The following NETO2 variants were observed in gnomAD, a reference collection of about 807,000 sequenced individuals.
NETO2 encodes the protein neuropilin and tolloid-like protein 2.
Under a neutral mutation model 62.5 loss-of-function variants are expected in NETO2, and 28 were observed. That is an observed-to-expected ratio of 0.45 (90% CI 0.33 to 0.61). The LOEUF is 0.61. NETO2 is among the 20% of genes least tolerant of loss of function. The probability of loss-of-function intolerance (pLI) is 0.02; values close to 1 mark genes in which losing one functional copy is unlikely to be tolerated. For synonymous variants in NETO2, 214 were observed against 219.1 expected (o/e 0.98, Z 0.21); for missense variants, 548 against 643.2 (o/e 0.85, Z 1.60).
At chr16:47,085,310 G>C (rs1339179492) in intron 8 of NETO2, among the ~76,000 whole-genome samples, 1 of 151,878 alleles carries the variant, frequency 6.6e-6, no homozygotes, top group African/African-American at 2.4e-5. Flanking sequence ...ATTAAATAAG[G>C]TATGTTTACA....
rs1351972807 is a variant in NETO2 at position 47,086,247 on chromosome 16, A to G, written c.976T>C (p.Trp326Arg). ...TCACCTTTACAATGATTTTCATCCC[A>G]AGGGTATGCACAATTTTGGACACCA... ...CNGVQNCAYP[W>R]DENHCKEKKK... The change falls in exon 8 of 9, where the codon TGG becomes CGG. Residue 326 changes from tryptophan to arginine, a missense_variant. Trp to Arg is a moderately radical substitution (Grantham distance 101). Transcript: ENST00000562435. The G allele has an allele frequency of 6.2e-7, 1 of 1,609,422 alleles. No homozygotes were observed.
intron 7 of NETO2, among the ~76,000 whole-genome samples, chr16:47,108,659 G>C (rs959291658): frequency 6.6e-6 from 1 of 152,214 alleles, no homozygotes; most frequent in South Asian, 2.1e-4. Context: ...GTCACAGATG[G>C]AGAAGGCTAA....
Position 47,136,825 on chromosome 16 carries a change from T to C in NETO2, c.35-4800A>G, listed in dbSNP as rs527354780. Among the ~76,000 whole-genome samples, 20 of 151,832 alleles carry C rather than the reference T, an allele frequency of 1.3e-4. No individual in the cohort carries two copies. In the East Asian group the frequency reaches 3.7e-3, roughly 28 times the overall value. The stretch of plus-strand genomic sequence containing the variant: ...ATAAAAATAGATCTCGCCTTCAAGC[T>C]AAAAACAAAAAATAAATACTAGATT... On this transcript the variant is annotated intron_variant, in intron 1 of 8. Coordinates refer to ENST00000562435, the MANE Select transcript of NETO2 (RefSeq NM_018092.5).
chr16:47,093,454 G>A (rs761850103), intron 7 of NETO2, among the ~76,000 whole-genome samples: 11 of 152,148 alleles, frequency 7.2e-5, no homozygotes, highest in Non-Finnish European at 1.0e-4. Context: ...TCTTCGTCAC[G>A]GTCAATCCTA....
At chr16:47,090,786 T>C (rs1963296193) in intron 7 of NETO2, among the ~76,000 whole-genome samples, 1 of 152,190 alleles carries the variant, frequency 6.6e-6, no homozygotes, top group Admixed American at 6.5e-5. Context: ...TCTTAAAGAG[T>C]GAGGTATATA....
At chr16:47,132,199 C>T (rs1013742283) in intron 1 of NETO2, among the ~76,000 whole-genome samples, 174 bp from the exon 2 acceptor site, 8 of 151,996 alleles carry the variant, frequency 5.3e-5, no homozygotes, top group African/African-American at 1.9e-4. Flanking sequence ...TGCTACCTAA[C>T]CCTTAAGATA....
At chr16:47,131,376 T>C (rs1275122474) in intron 2 of NETO2, among the ~76,000 whole-genome samples, 1 of 152,090 alleles carries the variant, frequency 6.6e-6, no homozygotes, top group African/African-American at 2.4e-5. Flanking sequence ...CAGCTAAGAG[T>C]GATTATTTCC....
At chr16:47,108,595 T>A (rs771291318) in intron 7 of NETO2, among the ~76,000 whole-genome samples, 2 of 152,166 alleles carry the variant, frequency 1.3e-5, no homozygotes, top group Non-Finnish European at 2.9e-5. Context: ...TCTACTAAAC[T>A]GGCTAGCTAG....
chr16:47,139,438 G>A (rs889002819), intron 1 of NETO2, among the ~76,000 whole-genome samples: 2 of 152,098 alleles, frequency 1.3e-5, no homozygotes, highest in African/African-American at 4.8e-5. Flanking sequence ...GTAATTAAGT[G>A]TGTCTCTTTC....
chr16:47,091,428 C>A (rs1055828355), intron 7 of NETO2, among the ~76,000 whole-genome samples: 3 of 152,168 alleles, frequency 2.0e-5, no homozygotes, highest in Admixed American at 6.5e-5. Context: ...TGGATATAGA[C>A]CAGTGCTGCC....
At chr16:47,087,142 T>C (rs918963185) in intron 7 of NETO2, among the ~76,000 whole-genome samples, 2 of 151,958 alleles carry the variant, frequency 1.3e-5, no homozygotes, top group Non-Finnish European at 2.9e-5. Flanking sequence ...GATTCTCCTG[T>C]GTCAGCCTCC....
chr16:47,094,063 A>G (rs550202823), intron 7 of NETO2, among the ~76,000 whole-genome samples: 27 of 152,346 alleles, frequency 1.8e-4, no homozygotes, highest in African/African-American at 6.0e-4. Flanking sequence ...TTCTTCATAC[A>G]GGAGATGAAT....
At chr16:47,115,670 G>A (rs1025344587) in intron 6 of NETO2, among the ~76,000 whole-genome samples, 2 of 135,178 alleles carry the variant, frequency 1.5e-5, no homozygotes, top group Admixed American at 1.4e-4. Flanking sequence ...TGGGACTACA[G>A]CTGCAGCCAC....
chr16:47,141,360 A>G (rs1293108118), intron 1 of NETO2, among the ~76,000 whole-genome samples: 3 of 152,216 alleles, frequency 2.0e-5, no homozygotes, highest in Admixed American at 1.3e-4. Flanking sequence ...GCCTTGGGGC[A>G]CACAATGAGT....
At chr16:47,129,128 A>G in intron 3 of NETO2, 96 bp downstream of exon 3, 1 of 1,149,510 alleles carries the variant, frequency 8.7e-7, no homozygotes, top group Non-Finnish European at 1.3e-6. Context: ...ACATGTTTAA[A>G]TTTCATTCAA....
At chr16:47,104,070 A>G (rs1478834060) in intron 7 of NETO2, among the ~76,000 whole-genome samples, 2 of 152,302 alleles carry the variant, frequency 1.3e-5, no homozygotes, top group East Asian at 3.9e-4. Context: ...GGAAAGGAAG[A>G]TAAAAGGTTT....
chr16:47,092,629 C>T lies in NETO2; in HGVS notation c.884-6290G>A, dbSNP rs1415134750. On this transcript the variant is annotated intron_variant, in intron 7 of 8. Coordinates refer to ENST00000562435, the MANE Select transcript of NETO2 (RefSeq NM_018092.5). ...GGCTAAAAGCCTTTCTTGTTAGCTA[C>T]GTCTTTGTATAAAGCACTGATTTGT... 2.0e-5 allele frequency among the ~76,000 whole-genome samples: 3 copies of T among 152,182 alleles called. No homozygotes were observed. The East Asian group carries it at 5.8e-4, about 29-fold the overall frequency.
chr16:47,133,477 G>C (rs1364299636), intron 1 of NETO2, among the ~76,000 whole-genome samples: 2 of 151,982 alleles, frequency 1.3e-5, no homozygotes, highest in African/African-American at 2.4e-5. Flanking sequence ...AGGATCACTA[G>C]TGCCCAGGAG....
chr16:47,118,549 T>C (rs1963969342), intron 6 of NETO2, among the ~76,000 whole-genome samples: 1 of 152,236 alleles, frequency 6.6e-6, no homozygotes, highest in Non-Finnish European at 1.5e-5. Flanking sequence ...ATTCCCTCCA[T>C]ACTCTCCAAA....
Sources: gnomAD v4.1 joint callset for allele counts (sites outside exome capture counted in the v4.1 genomes callset) on GRCh38, gnomAD v4.1.1 for gene constraint, MANE v1.5 for transcripts, NCBI Gene and HGNC (gene_info 2026-07-23, HGNC 2026-07-21) for gene names.